The following KATNBL1 variants were observed in gnomAD, a reference collection of about 807,000 sequenced individuals.
The protein encoded by KATNBL1 is katanin regulatory subunit B1 like 1, also known as KATNB1-like protein 1.
In KATNBL1, 28 loss-of-function variants were observed where a neutral mutation model predicts 44.7. That is an observed-to-expected ratio of 0.63 (90% CI 0.46 to 0.86). The LOEUF (loss-of-function observed/expected upper bound fraction) is 0.86, where lower values mean the gene tolerates loss of function less well. Ranked by LOEUF, KATNBL1 falls within the 40% of genes least tolerant of loss-of-function variation. KATNBL1 has a pLI of 0.00. For synonymous variants in KATNBL1, 78 were observed against 114.9 expected (o/e 0.68, Z 2.06); for missense variants, 272 against 350.7 (o/e 0.78, Z 1.79).
rs146754045 is a variant in KATNBL1, at chr15:34,205,516, C to T, written c.-15+4435G>A. On this transcript the variant is annotated intron_variant, in intron 1 of 9. Transcript: ENST00000256544. ...GTATGTGGTGATGGTCAAAATCTTACTCTGTGAGTAAGAGGGGCAGCCAGG... is the reference window on the plus strand; with the variant it reads ...GTATGTGGTGATGGTCAAAATCTTATTCTGTGAGTAAGAGGGGCAGCCAGG... Among the ~76,000 whole-genome samples, 151 of 152,258 alleles carry T rather than the reference C, an allele frequency of 9.9e-4. No individual in the cohort carries two copies. The East Asian group carries it at 0.01, about 10-fold the overall frequency.
At chr15:34,193,564 C>A (rs879775145) in intron 1 of KATNBL1, among the ~76,000 whole-genome samples, 13 of 151,858 alleles carry the variant, frequency 8.6e-5, no homozygotes, top group Admixed American at 5.3e-4. Context: ...TAAAATATCA[C>A]CAGTAGGCTG....
At chr15:34,170,669 G>A (rs1375847811) in intron 1 of KATNBL1, among the ~76,000 whole-genome samples, 30 of 152,176 alleles carry the variant, frequency 2.0e-4, no homozygotes, top group Admixed American at 3.9e-4. Context: ...GAGGCATCAT[G>A]CTACCTGACT....
chr15:34,145,049 T>C, intron 9 of KATNBL1: 1 of 1,003,316 alleles, frequency 1.0e-6, no homozygotes. Context: ...TTTAATTATG[T>C]TTCTTATCCC....
intron 1 of KATNBL1, among the ~76,000 whole-genome samples, chr15:34,184,346 G>A (rs112449605): frequency 0.33 from 48,776 of 149,110 alleles, 8,486 homozygotes; most frequent in African/African-American, 0.46. Context: ...GCGCACCTGT[G>A]GTCTCAGCCA....
chr15:34,181,870 C>CATATATATATATATATATATAT (rs374057022), intron 1 of KATNBL1, among the ~76,000 whole-genome samples: 106 of 73,014 alleles, frequency 1.5e-3, no homozygotes, highest in South Asian at 5.0e-3. Context: ...TATATATATC[C>CATATATATATATATATATATAT]ATATATATAT....
chr15:34,201,220 A>G (rs538286364), intron 1 of KATNBL1, among the ~76,000 whole-genome samples: 1 of 152,260 alleles, frequency 6.6e-6, no homozygotes, highest in East Asian at 1.9e-4. Context: ...ATCACCATCC[A>G]TAGTTGTGGA....
Position 34,181,840 on chromosome 15 carries a change from ACACATATATATAG to A in KATNBL1, c.-14-18163_-14-18151del, listed in dbSNP as rs1889569255. On this transcript the variant is annotated intron_variant, in intron 1 of 9. Coordinates refer to ENST00000256544, the MANE Select transcript of KATNBL1 (RefSeq NM_024713.3). ...CATGTCCATATATATCCATATATAT[ACACATATATATAG>A]TCCATATATATATATCCATATATAT... Among the ~76,000 whole-genome samples the A allele has an allele frequency of 1.5e-4, 8 of 54,008 alleles. 2 individuals carry two copies. Among genetic ancestry groups the A allele is most frequent in the Admixed American group, 4.4e-4 (2 of 4,530 alleles). The allele number at this position is 54,008 out of a possible 152,430, so 35.4% of individuals were successfully genotyped here.
intron 1 of KATNBL1, among the ~76,000 whole-genome samples, chr15:34,182,636 G>T (rs1307318501): frequency 6.6e-6 from 1 of 152,038 alleles, no homozygotes; most frequent in Non-Finnish European, 1.5e-5. Flanking sequence ...GTTTATTCAT[G>T]ATTTTTTTCT....
chr15:34,167,341 G>T (rs1045063022), intron 1 of KATNBL1, among the ~76,000 whole-genome samples: 11 of 152,106 alleles, frequency 7.2e-5, no homozygotes, highest in African/African-American at 2.2e-4. Context: ...TGGAAGAAAG[G>T]ATATAAGTGA....
chr15:34,158,963 T>C (rs1888717437), intron 2 of KATNBL1, among the ~76,000 whole-genome samples: 1 of 152,218 alleles, frequency 6.6e-6, no homozygotes, highest in South Asian at 2.1e-4. Context: ...AAATTTGGAT[T>C]CTCAGTCAGG....
chr15:34,160,335 T>C (rs1031737615), intron 2 of KATNBL1, among the ~76,000 whole-genome samples: 2 of 152,212 alleles, frequency 1.3e-5, no homozygotes, highest in Admixed American at 1.3e-4. Flanking sequence ...TCTTCATCTC[T>C]TCTTACATAT....
chr15:34,163,082 C>T (rs1263965546), intron 2 of KATNBL1, among the ~76,000 whole-genome samples: 10 of 141,316 alleles, frequency 7.1e-5, no homozygotes, highest in African/African-American at 2.6e-4. Context: ...TTGCTCTTGT[C>T]ACCCAGGCTA....
rs8042745 is a variant in KATNBL1 at position 34,194,107 on chromosome 15, T to A, written c.-15+15844A>T. Among the ~76,000 whole-genome samples, 1,374 of 151,950 alleles carry A rather than the reference T, an allele frequency of 9.0e-3. 21 individuals carry two copies. The highest frequency in any genetic ancestry group is 0.032 in the African/African-American group (1,306 of 41,452). Reference sequence around the variant, plus strand: ...CAGGTGCACGCCACCATGCCTGGCTTATTTTTGTATTTTTAGTAGAGACGG... The same window carrying A: ...CAGGTGCACGCCACCATGCCTGGCTAATTTTTGTATTTTTAGTAGAGACGG... On this transcript the variant is annotated intron_variant, in intron 1 of 9. Transcript: ENST00000256544.
chr15:34,142,292 T>G lies in KATNBL1; in HGVS notation c.*47A>C, dbSNP rs1888172665. On this transcript the variant is annotated 3_prime_UTR_variant, in exon 10 of 10. Transcript: ENST00000256544. ...TTTTTTTTTTTGTAAATTATACAGTTCAGGGATGTTTTGAAAAACCAAATG... is the reference window on the plus strand; with the variant it reads ...TTTTTTTTTTTGTAAATTATACAGTGCAGGGATGTTTTGAAAAACCAAATG... 6.4e-7 allele frequency: 1 copy of G among 1,565,524 alleles called. No homozygotes were observed. Among genetic ancestry groups the G allele is most frequent in the Non-Finnish European group, 8.6e-7 (1 of 1,156,770 alleles).
rs921757497 is a variant in KATNBL1 at position 34,146,885 on chromosome 15, T to G, written c.699-35A>C. On this transcript the variant is annotated intron_variant, in intron 7 of 9. Transcript: ENST00000256544. Reference sequence around the variant, plus strand: ...CATTTTGTTACAAAATTCAAGTGTTTTCATCTAAGAACCCTTCTTATAAAA... The same window carrying G: ...CATTTTGTTACAAAATTCAAGTGTTGTCATCTAAGAACCCTTCTTATAAAA... The G allele has an allele frequency of 4.6e-6, 6 of 1,299,310 alleles. No homozygotes were observed. In the African/African-American group the frequency reaches 8.7e-5, roughly 19 times the overall value. The allele number at this position is 1,299,310 out of a possible 1,614,324, so 80.5% of individuals were successfully genotyped here.
chr15:34,180,483 T>A (rs1272710942), intron 1 of KATNBL1, among the ~76,000 whole-genome samples: 4 of 147,176 alleles, frequency 2.7e-5, no homozygotes, highest in Non-Finnish European at 4.4e-5. Context: ...TTCTGGTTCC[T>A]TTTCCTCCAG....
intron 1 of KATNBL1, among the ~76,000 whole-genome samples, chr15:34,184,603 C>T (rs1473958222): frequency 7.0e-5 from 3 of 42,564 alleles, no homozygotes; most frequent in East Asian, 8.8e-4. Context: ...GACAGAGTCT[C>T]GCTCTGTCAC....
At chr15:34,176,092 T>C (rs2140955290) in intron 1 of KATNBL1, among the ~76,000 whole-genome samples, 1 of 152,108 alleles carries the variant, frequency 6.6e-6, no homozygotes, top group East Asian at 1.9e-4. Flanking sequence ...AGGAATGAAG[T>C]GGCCAGGCGT....
At position 34,142,146 on chromosome 15, in the gene KATNBL1, A is replaced by G. The variant is rs756277070; in HGVS notation, c.*193T>C. On this transcript the variant is annotated 3_prime_UTR_variant, in exon 10 of 10. Coordinates refer to ENST00000256544, the MANE Select transcript of KATNBL1 (RefSeq NM_024713.3). ...ATGAAATTGAAGCTGCTCCTTTTGG[A>G]TATTTTTCCACTTCAATGTGAAGCA... is the stretch of plus-strand genomic sequence containing the variant. 3.0e-4 allele frequency: 139 copies of G among 458,420 alleles called. No homozygotes were observed. The highest frequency in any genetic ancestry group is 2.9e-4 in the Non-Finnish European group (76 of 265,644). 28.4% of individuals were successfully genotyped at this position (458,420 alleles called of 1,614,324 possible).
Sources: gnomAD v4.1 joint callset for allele counts (sites outside exome capture counted in the v4.1 genomes callset) on GRCh38, gnomAD v4.1.1 for gene constraint, MANE v1.5 for transcripts, NCBI Gene and HGNC (gene_info 2026-07-23, HGNC 2026-07-21) for gene names.